Variants in PIK3AP1 observed in about 807,000 individuals in gnomAD.
The protein encoded by PIK3AP1 is phosphoinositide-3-kinase adaptor protein 1.
PIK3AP1 carries 21 observed loss-of-function variants against 88.1 expected under a neutral mutation model. The observed-to-expected ratio is 0.24, with a 90% CI of 0.17 to 0.34. The LOEUF (loss-of-function observed/expected upper bound fraction) is 0.34. Ranked by LOEUF, PIK3AP1 falls within the 10% of genes least tolerant of loss-of-function variation. PIK3AP1 has a pLI of 1.00. For missense variants in PIK3AP1, 828 were observed against 1,035.7 expected (o/e 0.80, Z 2.75); for synonymous variants, 398 against 400.0 (o/e 1.00, Z 0.06).
chr10:96,707,124 C>T (rs921890971), intron 2 of PIK3AP1, among the ~76,000 whole-genome samples: 4 of 152,172 alleles, frequency 2.6e-5, no homozygotes, highest in East Asian at 1.9e-4. Context: ...TCATTCTTTC[C>T]GAGACACTTG....
intron 13 of PIK3AP1, among the ~76,000 whole-genome samples, chr10:96,610,680 G>T: frequency 6.6e-6 from 1 of 152,224 alleles, no homozygotes; most frequent in East Asian, 1.9e-4. Flanking sequence ...GTCGAGCAAA[G>T]CACTGACCTG....
intron 16 of PIK3AP1, among the ~76,000 whole-genome samples, chr10:96,600,034 A>T (rs1040945134): frequency 6.6e-6 from 1 of 152,166 alleles, no homozygotes; most frequent in Non-Finnish European, 1.5e-5. Flanking sequence ...TAAACTTGAC[A>T]ACTCTTTTAT....
chr10:96,607,914 G>A (rs1849029715), intron 14 of PIK3AP1, among the ~76,000 whole-genome samples: 1 of 152,312 alleles, frequency 6.6e-6, no homozygotes, highest in African/African-American at 2.4e-5. Context: ...TTTTGGCATG[G>A]TTTATTGCAT....
chr10:96,600,151 A>G (rs1002761423), intron 16 of PIK3AP1, among the ~76,000 whole-genome samples: 2 of 152,214 alleles, frequency 1.3e-5, no homozygotes, highest in Non-Finnish European at 2.9e-5. Context: ...GAGAGGTATA[A>G]AACAATGCCT....
At chr10:96,607,300 C>T (rs1192966228) in intron 14 of PIK3AP1, among the ~76,000 whole-genome samples, 6 of 152,194 alleles carry the variant, frequency 3.9e-5, no homozygotes, top group Admixed American at 3.9e-4. Context: ...TGCTTGCTTG[C>T]CAAGAGACTT....
intron 2 of PIK3AP1, among the ~76,000 whole-genome samples, chr10:96,686,654 T>C (rs910178842): frequency 6.6e-6 from 1 of 152,156 alleles, no homozygotes; most frequent in Non-Finnish European, 1.5e-5. Flanking sequence ...GCCCTCAGCA[T>C]TGTGCGGCTG....
At chr10:96,689,603 A>C (rs1242843491) in intron 2 of PIK3AP1, among the ~76,000 whole-genome samples, 1 of 144,856 alleles carries the variant, frequency 6.9e-6, no homozygotes, top group Non-Finnish European at 1.5e-5. Flanking sequence ...AAAAAAATCC[A>C]ACCCTCTTAA....
At chr10:96,688,560 AGCCCGAGGCAGGTG>A (rs774423637) in intron 2 of PIK3AP1, among the ~76,000 whole-genome samples, 7 of 152,232 alleles carry the variant, frequency 4.6e-5, no homozygotes, top group Non-Finnish European at 8.8e-5. Flanking sequence ...GCAGTTTGGT[AGCCCGAGGCAGGTG>A]GATTACTTGA....
chr10:96,602,273 A>G lies in PIK3AP1; in HGVS notation c.2360+7T>C, dbSNP rs1309384514. On this transcript the variant is annotated splice_region_variant and intron_variant, in intron 16 of 16. Coordinates refer to ENST00000339364, the MANE Select transcript of PIK3AP1 (RefSeq NM_152309.3). ...AGGGAAAAATTTCATATCAGTTTTGATGTTACCTCTGTGAGGCAGCTCTCG... is the reference window on the plus strand; with the variant it reads ...AGGGAAAAATTTCATATCAGTTTTGGTGTTACCTCTGTGAGGCAGCTCTCG... 6.3e-7 allele frequency: 1 copy of G among 1,589,958 alleles called. No individual in the cohort carries two copies. The highest frequency in any genetic ancestry group is 8.6e-7 in the Non-Finnish European group (1 of 1,163,104).
chr10:96,645,484 G>C lies in PIK3AP1; in HGVS notation c.1364C>G (p.Thr455Ser), dbSNP rs1843445960. The change falls in exon 8 of 17, where the codon ACT (threonine) becomes AGT (serine). Residue 455 changes from threonine to serine, a missense_variant. Physicochemically the swap from Thr to Ser is moderately conservative, Grantham distance 58. This residue lies in a region of PIK3AP1 where 610 missense variants were observed against 760.1 expected (regional missense o/e 0.80). Transcript: ENST00000339364. ...GTTGTGCTACTTACAGAGGTCTTCAGTGGCAGCTGGGACAAAGGCAGCCAT... is the reference window on the plus strand; with the variant it reads ...GTTGTGCTACTTACAGAGGTCTTCACTGGCAGCTGGGACAAAGGCAGCCAT... The part of the protein sequence containing the change: ...ESMAAFVPAA[T>S]EDLYVEMLQA... 1.2e-6 allele frequency: 2 copies of C among 1,613,608 alleles called. No homozygotes were observed. The highest frequency in any genetic ancestry group is 1.7e-6 in the Non-Finnish European group (2 of 1,179,820).
intron 2 of PIK3AP1, among the ~76,000 whole-genome samples, chr10:96,701,622 A>G (rs2134283813): frequency 6.6e-6 from 1 of 152,352 alleles, no homozygotes; most frequent in East Asian, 1.9e-4. Context: ...CTGCAAATGT[A>G]AACGACAGAC....
chr10:96,702,444 A>G (rs1844309449), intron 2 of PIK3AP1, among the ~76,000 whole-genome samples: 1 of 151,458 alleles, frequency 6.6e-6, no homozygotes, highest in African/African-American at 2.4e-5. Flanking sequence ...GGTTGCAGTG[A>G]GCCGAGATCA....
At chr10:96,595,861 TC>T (rs1848745456) in intron 16 of PIK3AP1, among the ~76,000 whole-genome samples, 1 of 152,090 alleles carries the variant, frequency 6.6e-6, no homozygotes, top group Non-Finnish European at 1.5e-5. Context: ...ATTCCAAGGA[TC>T]CATCCCAGAC....
chr10:96,601,770 T>G (rs886473003), intron 16 of PIK3AP1, among the ~76,000 whole-genome samples: 5 of 152,248 alleles, frequency 3.3e-5, no homozygotes, highest in African/African-American at 1.2e-4. Flanking sequence ...TGTATTTCAT[T>G]TATGAAACAT....
At chr10:96,606,537 CCCT>C (rs1052637255) in intron 14 of PIK3AP1, among the ~76,000 whole-genome samples, 44 of 152,230 alleles carry the variant, frequency 2.9e-4, no homozygotes, top group African/African-American at 9.2e-4. Flanking sequence ...TTGGCCCTGG[CCCT>C]CCTCCTCTCC....
intron 1 of PIK3AP1, among the ~76,000 whole-genome samples, chr10:96,714,380 C>G (rs1224260012): frequency 6.6e-6 from 1 of 152,222 alleles, no homozygotes; most frequent in East Asian, 1.9e-4. Flanking sequence ...AGATTTACTG[C>G]TGCTGCTGCC....
intron 2 of PIK3AP1, among the ~76,000 whole-genome samples, chr10:96,658,622 C>T (rs752659441): frequency 1.3e-5 from 2 of 152,118 alleles, no homozygotes; most frequent in Non-Finnish European, 2.9e-5. Flanking sequence ...GTGGAGGTCC[C>T]GTCCCAGAGC....
chr10:96,602,229 C>T lies in PIK3AP1; in HGVS notation c.2360+51G>A, dbSNP rs773944948. The T allele has an allele frequency of 1.6e-5, 23 of 1,410,440 alleles. No individual in the cohort carries two copies. The South Asian group carries it at 2.4e-4, about 14-fold the overall frequency. 87.4% of individuals were successfully genotyped at this position (1,410,440 alleles called of 1,614,324 possible). ...CTTAGGTGTTTCCAAGTCCTATTCT[C>T]CCCTAGGATTCAGAGATAAGGGAAA... is the stretch of plus-strand genomic sequence containing the variant. On this transcript the variant is annotated intron_variant, in intron 16 of 16. Transcript: ENST00000339364.
At chr10:96,701,389 T>C (rs1473868288) in intron 2 of PIK3AP1, among the ~76,000 whole-genome samples, 1 of 152,216 alleles carries the variant, frequency 6.6e-6, no homozygotes, top group Non-Finnish European at 1.5e-5. Flanking sequence ...TGAGTTCCAG[T>C]GCTTACCCCA....
Sources: allele counts gnomAD v4.1 joint callset (sites outside exome capture counted in the v4.1 genomes callset), GRCh38; gene constraint gnomAD v4.1.1; regional missense constraint gnomAD v4.1.1; transcripts MANE v1.5; gene names NCBI Gene and HGNC (gene_info 2026-07-23, HGNC 2026-07-21).